The following PTPRA variants were observed in gnomAD, a reference collection of about 807,000 sequenced individuals.
PTPRA encodes the protein protein tyrosine phosphatase receptor type A.
Under a neutral mutation model 104.8 loss-of-function variants are expected in PTPRA, and 25 were observed. The observed-to-expected ratio is 0.24, with a 90% confidence interval of 0.17 to 0.33. PTPRA has a LOEUF of 0.33. Ranked by LOEUF, PTPRA falls within the 10% of genes least tolerant of loss-of-function variation. The probability of loss-of-function intolerance (pLI) is 1.00; values close to 1 mark genes in which losing one functional copy is unlikely to be tolerated. For synonymous variants in PTPRA, 323 were observed against 368.9 expected (o/e 0.88, Z 1.43); for missense variants, 765 against 1,015.3 (o/e 0.75, Z 3.35).
rs2065210718 is a variant in PTPRA, at chr20:3,027,618, G to A, written c.1786-89G>A. 6 of 1,510,876 alleles carry A rather than the reference G, an allele frequency of 4.0e-6. No individual in the cohort carries two copies. In the East Asian group the frequency reaches 1.4e-4, roughly 34 times the overall value. 93.6% of individuals were successfully genotyped at this position (1,510,876 alleles called of 1,614,324 possible). A position where few individuals can be genotyped will look rare whatever the true frequency, so the allele number is the denominator to read the frequency against. The stretch of plus-strand genomic sequence containing the variant: ...CATGGGCTGAGTTTGCCTCCGAGCA[G>A]TCCCCATTCCCTTCTAGTGGTCTGT... On this transcript the variant is annotated intron_variant, in intron 19 of 23. Coordinates refer to ENST00000399903, the MANE Select transcript of PTPRA (RefSeq NM_001385305.1).
At chr20:2,926,109 A>G (rs1323116774) in intron 2 of PTPRA, among the ~76,000 whole-genome samples, 2 of 152,186 alleles carry the variant, frequency 1.3e-5, no homozygotes, top group Admixed American at 6.5e-5. Flanking sequence ...TTTATTAATA[A>G]AAAAGACAAC....
At chr20:3,026,326 C>A (rs957566041) in intron 17 of PTPRA, among the ~76,000 whole-genome samples, 1 of 152,162 alleles carries the variant, frequency 6.6e-6, no homozygotes, top group Non-Finnish European at 1.5e-5. Context: ...GAGCCTCAAT[C>A]GGGAAGGGAG....
chr20:2,966,315 C>T (rs1222157587), intron 5 of PTPRA, among the ~76,000 whole-genome samples: 3 of 152,190 alleles, frequency 2.0e-5, no homozygotes, highest in Admixed American at 6.5e-5. Flanking sequence ...CTCTCTACCT[C>T]GGTTTGTTCA....
intron 2 of PTPRA, among the ~76,000 whole-genome samples, chr20:2,923,537 G>A (rs1288664344): frequency 2.0e-5 from 3 of 151,484 alleles, no homozygotes; most frequent in East Asian, 1.9e-4. Context: ...GGTGGATCAC[G>A]CCTGTAATCC....
intron 1 of PTPRA, among the ~76,000 whole-genome samples, chr20:2,879,558 G>A (rs2089934911): frequency 1.3e-5 from 2 of 152,140 alleles, no homozygotes; most frequent in South Asian, 2.1e-4. Flanking sequence ...AATCAGGGTT[G>A]CAAATGCCCC....
intron 18 of PTPRA, 69 bp from the exon 19 acceptor site, chr20:3,027,052 G>A (rs1304657737): frequency 7.2e-6 from 11 of 1,519,848 alleles, no homozygotes; most frequent in Non-Finnish European, 1.0e-5. Context: ...GGCCTGAGGT[G>A]GGAGCAATGC....
chr20:2,966,465 ATTG>A (rs2061950995), intron 5 of PTPRA, among the ~76,000 whole-genome samples: 1 of 152,178 alleles, frequency 6.6e-6, no homozygotes, highest in Non-Finnish European at 1.5e-5. Flanking sequence ...AGCTGTTAGT[ATTG>A]TTGTGGTTAT....
intron 2 of PTPRA, among the ~76,000 whole-genome samples, chr20:2,927,682 G>A (rs916805329): frequency 1.3e-5 from 2 of 152,126 alleles, no homozygotes; most frequent in African/African-American, 2.4e-5. Context: ...ACTGATCTTG[G>A]ATATCAGTCT....
upstream of PTPRA, among the ~76,000 whole-genome samples, chr20:2,870,773 G>A (rs2089418634): frequency 6.6e-6 from 1 of 152,200 alleles, no homozygotes; most frequent in East Asian, 1.9e-4. Context: ...GACTGTTGGG[G>A]CACCTGTGGG....
chr20:3,032,564 G>A (rs567083546), intron 20 of PTPRA, among the ~76,000 whole-genome samples: 30 of 150,252 alleles, frequency 2.0e-4, no homozygotes, highest in South Asian at 6.3e-4. Flanking sequence ...TCAGGAGATC[G>A]AGACCAGCCT....
rs759739928 is a variant in PTPRA at position 2,964,980 on chromosome 20, T to G, written c.193T>G (p.Phe65Val). Residue 65 changes from phenylalanine to valine, a missense_variant, in exon 5 of 24, where the codon TTC becomes GTC. This residue lies in a region of PTPRA where 256 missense variants were observed against 248.9 expected (regional missense o/e 1.03). Transcript: ENST00000399903. ...SLTSLSVAPT[F>V]SPNITLGPTY... ...AACTTCTCTTTCTGTGGCACCAACATTCAGCCCAAATATAACTCTGGGACC... is the reference window on the plus strand; with the variant it reads ...AACTTCTCTTTCTGTGGCACCAACAGTCAGCCCAAATATAACTCTGGGACC... 2 of 1,614,052 alleles carry G rather than the reference T, an allele frequency of 1.2e-6. No individual in the cohort carries two copies. The highest frequency in any genetic ancestry group is 1.7e-6 in the Non-Finnish European group (2 of 1,179,906).
chr20:2,992,333 A>G (rs955209677), intron 9 of PTPRA, among the ~76,000 whole-genome samples: 3 of 151,054 alleles, frequency 2.0e-5, no homozygotes, highest in African/African-American at 7.3e-5. Flanking sequence ...CCTGGCCAAC[A>G]TGGTGAAACC....
At chr20:2,905,303 A>G (rs1025254455) in intron 1 of PTPRA, among the ~76,000 whole-genome samples, 5 of 152,230 alleles carry the variant, frequency 3.3e-5, no homozygotes, top group Middle Eastern at 3.2e-3. Flanking sequence ...ATATATAATC[A>G]AATTACAGAA....
chr20:2,977,873 G>GT (rs1209260204), intron 6 of PTPRA, among the ~76,000 whole-genome samples: 2 of 152,024 alleles, frequency 1.3e-5, no homozygotes, highest in African/African-American at 4.8e-5. Flanking sequence ...AGTCTACTCA[G>GT]TTACATGCCA....
the PTPRA span, chr20:2,866,101 A>G: frequency 2.7e-4 from 243 of 892,828 alleles, no homozygotes; most frequent in Non-Finnish European, 4.1e-4. Context: ...TGACGGGTGT[A>G]TACATATAGA....
At chr20:2,894,260 A>G (rs1252761110) in intron 1 of PTPRA, among the ~76,000 whole-genome samples, 2 of 152,212 alleles carry the variant, frequency 1.3e-5, no homozygotes, top group Non-Finnish European at 2.9e-5. Context: ...CAGCCTCTAT[A>G]ATGCCCTCAA....
At chr20:2,957,617 T>C (rs1358937541) in intron 3 of PTPRA, among the ~76,000 whole-genome samples, 1 of 152,026 alleles carries the variant, frequency 6.6e-6, no homozygotes, top group Non-Finnish European at 1.5e-5. Context: ...AAGGGAGGGG[T>C]TAAAGCTAGA....
chr20:2,872,430 T>C (rs1023589074), upstream of PTPRA, among the ~76,000 whole-genome samples: 7 of 152,328 alleles, frequency 4.6e-5, no homozygotes, highest in African/African-American at 1.7e-4. This position sits in a 1 kb window ranked among gnomAD's most constrained non-coding sequence, Gnocchi z 7.9. Flanking sequence ...GGGTCTGGGA[T>C]AAAGCGTCCC....
chr20:2,971,724 T>C (rs2062196119), intron 5 of PTPRA, among the ~76,000 whole-genome samples: 1 of 152,206 alleles, frequency 6.6e-6, no homozygotes, highest in Admixed American at 6.5e-5. Flanking sequence ...TGAGCGTTTA[T>C]GTTAGGAATG....
Sources: allele counts gnomAD v4.1 joint callset (sites outside exome capture counted in the v4.1 genomes callset), GRCh38; gene constraint gnomAD v4.1.1; regional missense constraint gnomAD v4.1.1; non-coding constraint Gnocchi (gnomAD v3.1); transcripts MANE v1.5; gene names NCBI Gene and HGNC (gene_info 2026-07-23, HGNC 2026-07-21).